Variants in NAALADL2 observed in about 807,000 individuals in gnomAD.
NAALADL2 encodes the protein N-acetylated alpha-linked acidic dipeptidase like 2, also known as inactive N-acetylated-alpha-linked acidic dipeptidase-like protein 2.
In NAALADL2, 76 loss-of-function variants were observed where a neutral mutation model predicts 87.2. The observed-to-expected ratio is 0.87, with a 90% CI of 0.72 to 1.05. The LOEUF (loss-of-function observed/expected upper bound fraction) is 1.05. Ranked by LOEUF, NAALADL2 falls within the 50% of genes least tolerant of loss-of-function variation. The pLI, the probability that NAALADL2 is intolerant of heterozygous loss-of-function variation, is 0.00. For missense variants in NAALADL2, 1,089 were observed against 945.8 expected, an observed-to-expected ratio of 1.15 and a Z score of -1.99; for synonymous variants, 354 against 331.0, an observed-to-expected ratio of 1.07 and a Z score of -0.75.
At chr3:174,895,155 G>A (rs1051026531) in intron 1 of NAALADL2, among the ~76,000 whole-genome samples, 5 of 151,598 alleles carry the variant, frequency 3.3e-5, no homozygotes, top group African/African-American at 7.3e-5. Context: ...CCCAAAATTA[G>A]TATAAGAAAA....
intron 1 of NAALADL2, among the ~76,000 whole-genome samples, chr3:174,517,591 T>C (rs982713709): frequency 6.6e-6 from 1 of 152,056 alleles, no homozygotes; most frequent in African/African-American, 2.4e-5. Context: ...TTGGTTCATT[T>C]TGAGAAGTTT....
intron 2 of NAALADL2, among the ~76,000 whole-genome samples, chr3:175,176,148 T>C (rs1352755520): frequency 1.3e-5 from 2 of 152,148 alleles, no homozygotes; most frequent in African/African-American, 4.8e-5. Flanking sequence ...TGTAAATATA[T>C]ATTTTGTGGC....
At chr3:175,105,151 A>T (rs548164526) in intron 2 of NAALADL2, among the ~76,000 whole-genome samples, 9 of 152,268 alleles carry the variant, frequency 5.9e-5, no homozygotes, top group Admixed American at 3.9e-4. Flanking sequence ...CCTTCATGGA[A>T]ATCTCATTGA....
intron 3 of NAALADL2, among the ~76,000 whole-genome samples, chr3:174,802,119 A>G (rs1718913994): frequency 6.6e-6 from 1 of 152,000 alleles, no homozygotes; most frequent in Non-Finnish European, 1.5e-5. Context: ...TTAGATTAAT[A>G]TATTTTTTTC....
At chr3:175,140,030 G>C (rs897710074) in intron 2 of NAALADL2, among the ~76,000 whole-genome samples, 1 of 152,162 alleles carries the variant, frequency 6.6e-6, no homozygotes, top group Non-Finnish European at 1.5e-5. Flanking sequence ...AGTCTATAGA[G>C]GAGATAATAC....
At chr3:175,639,452 C>T (rs1217404258) in intron 11 of NAALADL2, among the ~76,000 whole-genome samples, 1 of 151,630 alleles carries the variant, frequency 6.6e-6, no homozygotes, top group African/African-American at 2.4e-5. Context: ...TCCCGAGTAG[C>T]TGGGACTACA....
chr3:174,553,835 T>C (rs1712439110), intron 2 of NAALADL2, among the ~76,000 whole-genome samples: 1 of 152,214 alleles, frequency 6.6e-6, no homozygotes, highest in South Asian at 2.1e-4. Flanking sequence ...GTCTGGGCTT[T>C]CCATTGTACA....
At chr3:174,808,806 G>T (rs1345076646) in intron 3 of NAALADL2, among the ~76,000 whole-genome samples, 2 of 151,814 alleles carry the variant, frequency 1.3e-5, no homozygotes, top group African/African-American at 2.4e-5. Context: ...AAAAAAATGT[G>T]TGTGTGTGTT....
intron 12 of NAALADL2, among the ~76,000 whole-genome samples, chr3:175,742,662 A>G (rs1019544232): frequency 1.6e-4 from 25 of 151,954 alleles, no homozygotes; most frequent in African/African-American, 5.1e-4. Context: ...CTCCCAAAGT[A>G]CTGGGATTAC....
At chr3:174,613,230 G>A (rs1720109438) in intron 2 of NAALADL2, among the ~76,000 whole-genome samples, 1 of 152,070 alleles carries the variant, frequency 6.6e-6, no homozygotes, top group Non-Finnish European at 1.5e-5. Flanking sequence ...GACTGTGCTG[G>A]GTCAGACCTG....
At chr3:175,116,087 C>T (rs1181851204) in intron 2 of NAALADL2, among the ~76,000 whole-genome samples, 1 of 151,662 alleles carries the variant, frequency 6.6e-6, no homozygotes, top group Non-Finnish European at 1.5e-5. Flanking sequence ...GTGTCTCAAA[C>T]TAATAAGAGC....
chr3:175,692,712 G>C (rs1737215159), intron 11 of NAALADL2, among the ~76,000 whole-genome samples: 1 of 152,140 alleles, frequency 6.6e-6, no homozygotes, highest in South Asian at 2.1e-4. Flanking sequence ...GTGCAGCTGA[G>C]AACTTGAAGA....
chr3:175,035,821 T>C (rs769063733), intron 1 of NAALADL2, among the ~76,000 whole-genome samples: 4 of 152,170 alleles, frequency 2.6e-5, no homozygotes, highest in Non-Finnish European at 5.9e-5. Flanking sequence ...GGGAAGCTTA[T>C]TGAAAATTCA....
rs1045221614 is a variant in NAALADL2, at chr3:174,479,806, G to T, written c.-184+38774G>T. Among the ~76,000 whole-genome samples the T allele has an allele frequency of 2.0e-5, 3 of 151,822 alleles. No individual in the cohort carries two copies. The East Asian group carries it at 5.8e-4, about 29-fold the overall frequency. ...AGATATAGGTATGTAGAAGAATCAG[G>T]TGTTTTTTTTTCTCAAATAGTTTAT... On this transcript the variant is annotated intron_variant, in intron 1 of 3. Transcript: ENST00000434257.
At chr3:175,467,726 GCCTA>G (rs1367993547) in intron 8 of NAALADL2, among the ~76,000 whole-genome samples, 1 of 151,678 alleles carries the variant, frequency 6.6e-6, no homozygotes, top group Non-Finnish European at 1.5e-5. Flanking sequence ...CCTATCTATT[GCCTA>G]CCTACCTACC....
intron 5 of NAALADL2, among the ~76,000 whole-genome samples, chr3:175,351,247 A>C (rs1763731400): frequency 6.6e-6 from 1 of 152,118 alleles, no homozygotes; most frequent in Non-Finnish European, 1.5e-5. Context: ...TTTTTAAAAA[A>C]ATAGCTGTGC....
intron 10 of NAALADL2, among the ~76,000 whole-genome samples, chr3:175,600,292 A>G (rs988249949): frequency 1.3e-5 from 2 of 151,800 alleles, no homozygotes; most frequent in Admixed American, 1.3e-4. Flanking sequence ...GTACATACAC[A>G]TAATCTCAAA....
chr3:174,835,899 G>A (rs1171639042), intron 3 of NAALADL2, among the ~76,000 whole-genome samples: 3 of 152,170 alleles, frequency 2.0e-5, no homozygotes, highest in African/African-American at 4.8e-5. Context: ...GTGTTCTAAT[G>A]GTGGAAATGT....
chr3:174,573,574 A>G (rs1193629348), intron 2 of NAALADL2, among the ~76,000 whole-genome samples: 1 of 152,198 alleles, frequency 6.6e-6, no homozygotes, highest in Non-Finnish European at 1.5e-5. Flanking sequence ...TACAAGTAGC[A>G]TGGCACCATC....
Sources: allele counts gnomAD v4.1 joint callset (sites outside exome capture counted in the v4.1 genomes callset), GRCh38; gene constraint gnomAD v4.1.1; transcripts MANE v1.5; gene names NCBI Gene and HGNC (gene_info 2026-07-23, HGNC 2026-07-21).